LRRC4C: variants seen among roughly 807,000 people sequenced by gnomAD.
The protein encoded by LRRC4C is leucine rich repeat containing 4C, also known as leucine-rich repeat-containing protein 4C.
LRRC4C carries 5 observed loss-of-function variants against 33.6 expected under a neutral mutation model. The observed-to-expected ratio is 0.15, with a 90% CI of 0.08 to 0.31. The LOEUF (loss-of-function observed/expected upper bound fraction) is 0.31. Among genes scored for constraint, LRRC4C ranks in the 10% least tolerant of loss-of-function variants. The pLI is 1.00. For synonymous variants in LRRC4C, 329 were observed against 302.0 expected (o/e 1.09, Z -0.93); for missense variants, 560 against 796.7 (o/e 0.70, Z 3.58).
intron 3 of LRRC4C, among the ~76,000 whole-genome samples, chr11:40,421,044 G>C (rs918768914): frequency 6.6e-6 from 1 of 152,122 alleles, no homozygotes; most frequent in South Asian, 2.1e-4. Flanking sequence ...CCTTGAAATG[G>C]AGCTCATAGC....
chr11:40,974,584 T>G (rs373122740), intron 1 of LRRC4C, among the ~76,000 whole-genome samples: 1 of 152,218 alleles, frequency 6.6e-6, no homozygotes, highest in African/African-American at 2.4e-5. Context: ...TTGTCAATAT[T>G]ATAAGTGTGA....
At chr11:40,588,111 T>C (rs9735454) in intron 3 of LRRC4C, among the ~76,000 whole-genome samples, 39,017 of 150,350 alleles carry the variant, frequency 0.26, 5,001 homozygotes, top group Middle Eastern at 0.36. Context: ...GGTCCTGGAC[T>C]CTTTTTGGTT....
intron 3 of LRRC4C, among the ~76,000 whole-genome samples, chr11:40,386,614 G>T (rs1189256957): frequency 6.6e-6 from 1 of 152,074 alleles, no homozygotes; most frequent in African/African-American, 2.4e-5. Flanking sequence ...ATTTGCTATT[G>T]TTCTTTCTCC....
chr11:41,375,385 A>C (rs2137827713), intron 1 of LRRC4C, among the ~76,000 whole-genome samples: 1 of 152,262 alleles, frequency 6.6e-6, no homozygotes, highest in South Asian at 2.1e-4. Flanking sequence ...ATTTGATAGA[A>C]GCATCACCTC....
At chr11:41,293,191 A>G (rs986500768) in intron 1 of LRRC4C, among the ~76,000 whole-genome samples, 1 of 152,186 alleles carries the variant, frequency 6.6e-6, no homozygotes, top group Admixed American at 6.5e-5. Flanking sequence ...ACATATAAGT[A>G]TATAAAGGTC....
intron 1 of LRRC4C, among the ~76,000 whole-genome samples, chr11:41,281,073 T>TCTCTCTCTCTCTCTCA (rs1949652420): frequency 7.4e-6 from 1 of 135,368 alleles, no homozygotes; most frequent in Admixed American, 7.9e-5. Context: ...TCTCTCTCTC[T>TCTCTCTCTCTCTCTCA]CTGTCCTCTC....
intron 3 of LRRC4C, among the ~76,000 whole-genome samples, chr11:40,544,632 A>G (rs1166672651): frequency 1.3e-5 from 2 of 152,130 alleles, no homozygotes; most frequent in Non-Finnish European, 2.9e-5. Flanking sequence ...AGGGATGTAG[A>G]TTCTTTTGGT....
intron 1 of LRRC4C, among the ~76,000 whole-genome samples, chr11:41,089,145 C>T (rs1401342975): frequency 3.9e-5 from 6 of 151,932 alleles, no homozygotes; most frequent in African/African-American, 1.4e-4. Context: ...ACTATTGCAT[C>T]CCAGCTCCAG....
intron 1 of LRRC4C, among the ~76,000 whole-genome samples, chr11:41,309,061 C>T (rs1950579209): frequency 6.6e-6 from 1 of 152,186 alleles, no homozygotes; most frequent in Non-Finnish European, 1.5e-5. Flanking sequence ...GCCTCAGCCT[C>T]CCAAAGTGCT....
chr11:40,373,003 C>T (rs763912091), intron 3 of LRRC4C, among the ~76,000 whole-genome samples: 11 of 152,092 alleles, frequency 7.2e-5, no homozygotes, highest in South Asian at 2.1e-4. Flanking sequence ...TATTTGAAAA[C>T]GGAGAATTAC....
chr11:40,945,372 G>A (rs1409452656), intron 1 of LRRC4C, among the ~76,000 whole-genome samples: 2 of 152,050 alleles, frequency 1.3e-5, no homozygotes, highest in African/African-American at 2.4e-5. Context: ...ATCAGCCAGT[G>A]AAGCATGTTT....
intron 1 of LRRC4C, among the ~76,000 whole-genome samples, chr11:41,321,009 G>C (rs1950942946): frequency 6.6e-6 from 1 of 152,170 alleles, no homozygotes; most frequent in African/African-American, 2.4e-5. Flanking sequence ...GGAAAAGCAA[G>C]TTTCCTCATG....
At position 40,274,272 on chromosome 11, in the gene LRRC4C, G is replaced by A. The variant is rs369939962; in HGVS notation, c.-175-32674C>T. On this transcript the variant is annotated intron_variant, in intron 4 of 6. Transcript: ENST00000528697. ...GAGGGGAGGGAAAGATTCCCGTCAA[G>A]CCTCTGGCCACATCCAGGGCTTCCC... Among the ~76,000 whole-genome samples, 156 of 152,030 alleles carry A rather than the reference G, an allele frequency of 1.0e-3. 1 individual carries two copies. The highest frequency in any genetic ancestry group is 3.5e-3 in the African/African-American group (145 of 41,506).
rs1326202854 is a variant in LRRC4C, at chr11:40,384,763, A to G, written c.-269-65042T>C. On this transcript the variant is annotated intron_variant, in intron 3 of 6. Transcript: ENST00000528697. ...TTTTCTTTTTTCATCACAATATATTATTTTAATCAAATTAGAAAGCCACTC... is the reference window on the plus strand; with the variant it reads ...TTTTCTTTTTTCATCACAATATATTGTTTTAATCAAATTAGAAAGCCACTC... Among the ~76,000 whole-genome samples, 11 of 152,180 alleles carry G rather than the reference A, an allele frequency of 7.2e-5. No homozygotes were observed. The South Asian group carries it at 2.3e-3, about 32-fold the overall frequency.
chr11:40,231,256 G>T (rs1213025910), intron 5 of LRRC4C, among the ~76,000 whole-genome samples: 1 of 152,124 alleles, frequency 6.6e-6, no homozygotes, highest in Non-Finnish European at 1.5e-5. Flanking sequence ...TTCACGTTCA[G>T]ATTTACAGTA....
intron 3 of LRRC4C, among the ~76,000 whole-genome samples, chr11:40,378,859 T>A (rs1948756159): frequency 6.6e-6 from 1 of 152,138 alleles, no homozygotes; most frequent in South Asian, 2.1e-4. Context: ...GATTTAAAGC[T>A]GAGATTCATA....
chr11:40,914,098 A>G (rs1195662311), intron 2 of LRRC4C, among the ~76,000 whole-genome samples: 1 of 152,194 alleles, frequency 6.6e-6, no homozygotes, highest in East Asian at 1.9e-4. Flanking sequence ...ATGGATTCAC[A>G]GCCAAATTCT....
rs569173761 is a variant in LRRC4C at position 41,164,688 on chromosome 11, G to T, written c.-495-230965C>A. ...GGAATTTTTCAACTCCATTATAATT[G>T]TTGGGAAAAGCTGAGTGTTGGGAGA... On this transcript the variant is annotated intron_variant, in intron 1 of 6. Transcript: ENST00000528697. 4.6e-5 allele frequency among the ~76,000 whole-genome samples: 7 copies of T among 152,234 alleles called. No individual in the cohort carries two copies. In the South Asian group the frequency reaches 1.2e-3, roughly 27 times the overall value.
intron 3 of LRRC4C, among the ~76,000 whole-genome samples, chr11:40,449,909 C>G (rs1313476691): frequency 3.3e-5 from 5 of 152,148 alleles, no homozygotes; most frequent in African/African-American, 4.8e-5. Context: ...CAGAACTCAC[C>G]CTGAGAACAT....
Sources: allele counts gnomAD v4.1 joint callset (sites outside exome capture counted in the v4.1 genomes callset), GRCh38; gene constraint gnomAD v4.1.1; transcripts MANE v1.5; gene names NCBI Gene and HGNC (gene_info 2026-07-23, HGNC 2026-07-21).